The following ANO10 variants were observed in gnomAD, a reference collection of about 807,000 sequenced individuals.
The protein encoded by ANO10 is anoctamin 10.
In ANO10, 77 loss-of-function variants were observed where a neutral mutation model predicts 74.7. The observed-to-expected ratio is 1.03, with a 90% confidence interval of 0.86 to 1.25. The LOEUF (loss-of-function observed/expected upper bound fraction) is 1.25. Ranked by LOEUF, ANO10 falls within the 50% of genes most tolerant of loss-of-function variation. The pLI, the probability that ANO10 is intolerant of heterozygous loss-of-function variation, is 0.00. For missense variants in ANO10, 721 were observed against 778.1 expected (o/e 0.93, Z 0.87); for synonymous variants, 279 against 284.9 (o/e 0.98, Z 0.21).
chr3:43,376,495 A>C (rs1372128330), intron 12 of ANO10, among the ~76,000 whole-genome samples: 1 of 152,216 alleles, frequency 6.6e-6, no homozygotes, highest in African/African-American at 2.4e-5. Flanking sequence ...GACTAATCTT[A>C]AAGAAGTAAT....
At chr3:43,645,888 G>A (rs6796450) in intron 1 of ANO10, among the ~76,000 whole-genome samples, 20,545 of 152,062 alleles carry the variant, frequency 0.14, 2,982 homozygotes, top group African/African-American at 0.36. Context: ...GCTCACTGCA[G>A]CCTCCACCTC....
intron 1 of ANO10, among the ~76,000 whole-genome samples, chr3:43,647,182 T>TGCGC (rs1559383609): frequency 1.3e-5 from 2 of 151,430 alleles, no homozygotes; most frequent in Non-Finnish European, 2.9e-5. Context: ...TGTGTGTGTG[T>TGCGC]GTGTGTGTGT....
At chr3:43,675,818 T>A (rs1264344025) in intron 1 of ANO10, among the ~76,000 whole-genome samples, 1 of 152,164 alleles carries the variant, frequency 6.6e-6, no homozygotes, top group Non-Finnish European at 1.5e-5. Context: ...CACACTTTGC[T>A]GGTAGGAATA....
chr3:43,510,249 G>A (rs1375495503), intron 11 of ANO10, among the ~76,000 whole-genome samples: 1 of 152,006 alleles, frequency 6.6e-6, no homozygotes, highest in Non-Finnish European at 1.5e-5. Context: ...GGCCAACATG[G>A]TGAAACCCCG....
intron 4 of ANO10, among the ~76,000 whole-genome samples, chr3:43,595,806 A>T (rs1372729613): frequency 2.0e-5 from 3 of 152,282 alleles, no homozygotes; most frequent in Admixed American, 6.5e-5. Context: ...CAATTAGGAA[A>T]AGAGGAAGTC....
chr3:43,427,621 C>CA (rs2092918008), intron 12 of ANO10, among the ~76,000 whole-genome samples: 1 of 152,190 alleles, frequency 6.6e-6, no homozygotes, highest in Admixed American at 6.5e-5. Context: ...TTCAATAACT[C>CA]AATTTCTGAT....
upstream of ANO10, among the ~76,000 whole-genome samples, chr3:43,626,703 C>A (rs2083496061): frequency 6.6e-6 from 1 of 152,132 alleles, no homozygotes; most frequent in Admixed American, 6.5e-5. Context: ...ATTTTTCCAA[C>A]CCCATTTCAT....
intron 11 of ANO10, among the ~76,000 whole-genome samples, chr3:43,486,413 A>C (rs997015665): frequency 6.6e-6 from 1 of 151,368 alleles, no homozygotes; most frequent in Non-Finnish European, 1.5e-5. Flanking sequence ...GGCCATTTTC[A>C]CAATATTGAT....
chr3:43,472,172 A>G (rs2075882459), intron 11 of ANO10, among the ~76,000 whole-genome samples: 1 of 152,182 alleles, frequency 6.6e-6, no homozygotes, highest in South Asian at 2.1e-4. Context: ...TTCCATTTAT[A>G]TGATACTCTG....
chr3:43,546,646 A>G (rs941094237), intron 11 of ANO10, among the ~76,000 whole-genome samples: 1 of 148,146 alleles, frequency 6.8e-6, no homozygotes, highest in East Asian at 2.0e-4. Flanking sequence ...AATAGAAATT[A>G]AAAAAAAAAA....
In ANO10 at chr3:43,565,811, T is replaced by C. The variant is rs2080292204; in HGVS notation, c.1219-84A>G. 3 of 1,447,590 alleles carry C rather than the reference T, an allele frequency of 2.1e-6. No individual in the cohort carries two copies. In the African/African-American group the frequency reaches 4.3e-5, roughly 21 times the overall value. The allele number at this position is 1,447,590 out of a possible 1,614,324, so 89.7% of individuals were successfully genotyped here. On this transcript the variant is annotated intron_variant, in intron 7 of 12. Coordinates refer to ENST00000292246, the MANE Select transcript of ANO10 (RefSeq NM_018075.5). ...ACAACTGTAATGCAGCATTTAAAAA[T>C]GTAATGGGAGCGGGGAGGAGCCAAG...
At chr3:43,618,171 G>T (rs935829346) in intron 1 of ANO10, 1 of 152,280 alleles carries the variant, frequency 6.6e-6, no homozygotes, top group African/African-American at 2.4e-5. Context: ...CAGTTTCTCA[G>T]TAACACAGAT....
chr3:43,656,123 C>T (rs1449890234), intron 1 of ANO10, among the ~76,000 whole-genome samples: 1 of 149,320 alleles, frequency 6.7e-6, no homozygotes, highest in Non-Finnish European at 1.5e-5. Context: ...TACAGAATGC[C>T]AACTGGTGTA....
intron 1 of ANO10, among the ~76,000 whole-genome samples, chr3:43,616,150 A>G (rs2083092637): frequency 6.6e-6 from 1 of 152,168 alleles, no homozygotes; most frequent in African/African-American, 2.4e-5. Context: ...CCTATCCAGG[A>G]GACTGCAAAG....
rs111890328 is a variant in ANO10, at chr3:43,576,584, A to G, written c.1162+108T>C. On this transcript the variant is annotated intron_variant, in intron 6 of 12. Coordinates refer to ENST00000292246, the MANE Select transcript of ANO10 (RefSeq NM_018075.5). ...TTTCCTTATGTCTCTATAATGAGCC[A>G]AGAGCAACATCTATTTTCTCTGCAA... is the stretch of plus-strand genomic sequence containing the variant. 2.9e-5 allele frequency: 35 copies of G among 1,203,634 alleles called. 2 individuals carry two copies. The highest frequency in any genetic ancestry group is 2.9e-4 in the African/African-American group (19 of 66,644). 74.6% of individuals were successfully genotyped at this position (1,203,634 alleles called of 1,614,324 possible).
chr3:43,403,560 C>T (rs2092522345), intron 12 of ANO10, among the ~76,000 whole-genome samples: 1 of 152,208 alleles, frequency 6.6e-6, no homozygotes, highest in Admixed American at 6.5e-5. Flanking sequence ...CCAAATAGGG[C>T]TGGAAGCAGG....
At chr3:43,401,773 T>C (rs2092485556) in intron 12 of ANO10, among the ~76,000 whole-genome samples, 1 of 152,228 alleles carries the variant, frequency 6.6e-6, no homozygotes, top group African/African-American at 2.4e-5. Context: ...TATCTTCCCA[T>C]ATCTGCTCAC....
At chr3:43,654,204 AG>A (rs2149569972) in intron 1 of ANO10, among the ~76,000 whole-genome samples, 1 of 152,224 alleles carries the variant, frequency 6.6e-6, no homozygotes, top group South Asian at 2.1e-4. Flanking sequence ...GGTTACATGG[AG>A]GGTTACTCTG....
chr3:43,440,333 T>G (rs954564441), intron 11 of ANO10, among the ~76,000 whole-genome samples: 4 of 151,196 alleles, frequency 2.6e-5, no homozygotes, highest in African/African-American at 9.7e-5. Flanking sequence ...ACAATGAAAG[T>G]GAAAGAATGA....
Sources: gnomAD v4.1 joint callset for allele counts (sites outside exome capture counted in the v4.1 genomes callset) on GRCh38, gnomAD v4.1.1 for gene constraint, MANE v1.5 for transcripts, NCBI Gene and HGNC (gene_info 2026-07-23, HGNC 2026-07-21) for gene names.